Variants in CPNE2 observed in about 807,000 individuals in gnomAD.
CPNE2 encodes the protein copine 2.
In CPNE2, 42 loss-of-function variants were observed where a neutral mutation model predicts 69.7. That is an observed-to-expected ratio of 0.60 (90% confidence interval 0.47 to 0.78). The LOEUF (loss-of-function observed/expected upper bound fraction) is 0.78, where lower values mean the gene tolerates loss of function less well. Ranked by LOEUF, CPNE2 falls within the 30% of genes least tolerant of loss-of-function variation. The pLI, the probability that CPNE2 is intolerant of heterozygous loss-of-function variation, is 0.00. For synonymous variants in CPNE2, 294 were observed against 289.8 expected, an observed-to-expected ratio of 1.01 and a Z score of -0.15; for missense variants, 587 against 732.0, an observed-to-expected ratio of 0.80 and a Z score of 2.29.
intron 10 of CPNE2, chr16:57,124,007 A>T (rs576042186): frequency 5.8e-6 from 1 of 173,776 alleles, no homozygotes; most frequent in South Asian, 1.2e-4. Context: ...GTCACCTTCC[A>T]GGGAGCCCTC....
At chr16:57,131,522 C>T (rs1344283745) in intron 12 of CPNE2, among the ~76,000 whole-genome samples, 1 of 152,244 alleles carries the variant, frequency 6.6e-6, no homozygotes, top group Non-Finnish European at 1.5e-5. Context: ...GTTGCTAGGA[C>T]ACCAGCCAGC....
At chr16:57,140,234 A>C (rs2069911588) in intron 14 of CPNE2, among the ~76,000 whole-genome samples, 1 of 100,652 alleles carries the variant, frequency 9.9e-6, no homozygotes, top group African/African-American at 2.7e-5. Context: ...GCAATGGTGC[A>C]ATCTTGGCTC....
chr16:57,126,524 A>G (rs2069802548), intron 11 of CPNE2, among the ~76,000 whole-genome samples: 1 of 152,190 alleles, frequency 6.6e-6, no homozygotes, highest in Non-Finnish European at 1.5e-5. Flanking sequence ...ACGGAAAGTC[A>G]GTGAAGGGAA....
At chr16:57,094,170 C>T (rs1265645985) in intron 1 of CPNE2, 5 of 446,852 alleles carry the variant, frequency 1.1e-5, no homozygotes, top group Admixed American at 2.5e-5. Flanking sequence ...GAACCAGGGA[C>T]GAAGGATGTG....
chr16:57,117,351 A>T, intron 4 of CPNE2, 145 bp from the exon 5 acceptor site: 1 of 709,836 alleles, frequency 1.4e-6, no homozygotes, highest in Non-Finnish European at 2.4e-6. Context: ...TGTGGGGAAG[A>T]CAAGAGATTT....
intron 13 of CPNE2, 69 bp downstream of exon 13, chr16:57,134,895 G>A: frequency 6.7e-7 from 1 of 1,500,622 alleles, no homozygotes. Flanking sequence ...TGGGTGGAGG[G>A]AGGGCAGAGG....
At chr16:57,107,301 A>G (rs2069653988) in intron 1 of CPNE2, among the ~76,000 whole-genome samples, 1 of 152,218 alleles carries the variant, frequency 6.6e-6, no homozygotes, top group East Asian at 1.9e-4. Flanking sequence ...AGCTCGTGTG[A>G]TTATAACAAG....
At chr16:57,127,221 C>T (rs933622989) in intron 11 of CPNE2, among the ~76,000 whole-genome samples, 1 of 152,018 alleles carries the variant, frequency 6.6e-6, no homozygotes, top group African/African-American at 2.4e-5. Flanking sequence ...TTTGATTGGG[C>T]CTTAGAGGAT....
chr16:57,134,881 T>G, intron 13 of CPNE2, 55 bp downstream of exon 13: 3 of 1,575,136 alleles, frequency 1.9e-6, no homozygotes, highest in Non-Finnish European at 2.6e-6. Flanking sequence ...CCTGGCCAGC[T>G]CCCTGGGTGG....
rs185279527 is a variant in CPNE2 at position 57,145,490 on chromosome 16, G to A, written c.1303-595G>A. 1.4e-3 allele frequency: 218 copies of A among 160,926 alleles called. 4 individuals carry two copies. The highest frequency in any genetic ancestry group is 0.012 in the South Asian group (75 of 6,076). 10.0% of individuals were successfully genotyped at this position (160,926 alleles called of 1,614,324 possible). A position where few individuals can be genotyped will look rare whatever the true frequency, so the allele number is the denominator to read the frequency against. On this transcript the variant is annotated intron_variant, in intron 14 of 15. Transcript: ENST00000290776. ...CACTCCTGGAAGCCCTGGCCCAGACGACCTGCTTTAGCTCCCGCAAGGTGT... is the reference window on the plus strand; with the variant it reads ...CACTCCTGGAAGCCCTGGCCCAGACAACCTGCTTTAGCTCCCGCAAGGTGT...
At chr16:57,100,774 C>T (rs1462007642) in intron 1 of CPNE2, among the ~76,000 whole-genome samples, 1 of 152,210 alleles carries the variant, frequency 6.6e-6, no homozygotes, top group African/African-American at 2.4e-5. Flanking sequence ...TCTCCATCAG[C>T]ATGGCCACAC....
chr16:57,123,309 T>G, intron 9 of CPNE2, 105 bp from the exon 10 acceptor site: 1 of 1,178,324 alleles, frequency 8.5e-7, no homozygotes, highest in Non-Finnish European at 1.3e-6. Flanking sequence ...CAGCTTTTTT[T>G]GACCTCCTTG....
Position 57,110,914 on chromosome 16 carries a change from T to C in CPNE2, c.172T>C (p.Trp58Arg), listed in dbSNP as rs2069677419. 1 of 1,610,526 alleles carries C rather than the reference T, an allele frequency of 6.2e-7. No homozygotes were observed. The highest frequency in any genetic ancestry group is 8.5e-7 in the Non-Finnish European group (1 of 1,178,204). The change falls in exon 2 of 16, where the codon TGG becomes CGG. Residue 58 changes from tryptophan to arginine, a missense_variant. Coordinates refer to ENST00000290776, the MANE Select transcript of CPNE2 (RefSeq NM_152727.6). ...CCTCTTTACAGAGAACAATGGCAGA[T>C]GGATCGAGGTGAGGCTCTTCCGTGT... ...CVLFTENNGR[W>R]IEYDRTETAI...
At chr16:57,102,557 A>G (rs1315072702) in intron 1 of CPNE2, among the ~76,000 whole-genome samples, 1 of 151,262 alleles carries the variant, frequency 6.6e-6, no homozygotes, top group Non-Finnish European at 1.5e-5. Flanking sequence ...CTGGAGGGAG[A>G]GCCTAGAGCC....
chr16:57,100,862 A>G (rs1441824950), intron 1 of CPNE2, among the ~76,000 whole-genome samples: 1 of 152,240 alleles, frequency 6.6e-6, no homozygotes, highest in Admixed American at 6.5e-5. Context: ...GGGCTAGCCC[A>G]GAGCTCCTGC....
At chr16:57,120,297 G>T (rs4783975) in intron 7 of CPNE2, among the ~76,000 whole-genome samples, 80,489 of 149,656 alleles carry the variant, frequency 0.54, 23,473 homozygotes, top group Admixed American at 0.68. Flanking sequence ...GTTATAGGCC[G>T]GGCGCGGTGG....
At chr16:57,131,763 C>T (rs1295235320) in intron 12 of CPNE2, among the ~76,000 whole-genome samples, 2 of 152,236 alleles carry the variant, frequency 1.3e-5, no homozygotes, top group African/African-American at 4.8e-5. Context: ...TCTGACTCGC[C>T]TCACTCCTGC....
At chr16:57,119,108 G>C (rs2069741800) in intron 5 of CPNE2, 87 bp from the exon 6 acceptor site, 6 of 1,187,564 alleles carry the variant, frequency 5.1e-6, no homozygotes, top group Non-Finnish European at 7.4e-6. Flanking sequence ...CTGACACCCG[G>C]CTGGGGAGGC....
At chr16:57,100,359 A>C (rs1195727453) in intron 1 of CPNE2, among the ~76,000 whole-genome samples, 2 of 152,254 alleles carry the variant, frequency 1.3e-5, no homozygotes, top group Non-Finnish European at 2.9e-5. Context: ...AGCTAGAGCC[A>C]AAAGTGTGAG....
Sources: gnomAD v4.1 joint callset for allele counts (sites outside exome capture counted in the v4.1 genomes callset) on GRCh38, gnomAD v4.1.1 for gene constraint, MANE v1.5 for transcripts, NCBI Gene and HGNC (gene_info 2026-07-23, HGNC 2026-07-21) for gene names.